The following SBF2 variants were observed in gnomAD, a reference collection of about 807,000 sequenced individuals.
The protein encoded by SBF2 is SET binding factor 2, also known as myotubularin-related protein 13.
SBF2 carries 112 observed loss-of-function variants against 225.2 expected under a neutral mutation model. That is an observed-to-expected ratio of 0.50 (90% CI 0.43 to 0.58). The LOEUF (loss-of-function observed/expected upper bound fraction) is 0.58. Among genes scored for constraint, SBF2 ranks in the 20% least tolerant of loss-of-function variants. The pLI, the probability that SBF2 is intolerant of heterozygous loss-of-function variation, is 0.00. For missense variants in SBF2, 1,996 were observed against 2,206.2 expected (o/e 0.90, Z 1.91); for synonymous variants, 763 against 773.3 (o/e 0.99, Z 0.22).
rs572897390 is a variant in SBF2, at chr11:9,974,750, C to T, written c.1396-6205G>A. Among the ~76,000 whole-genome samples the T allele has an allele frequency of 3.3e-5, 5 of 150,732 alleles. No homozygotes were observed. In the South Asian group the frequency reaches 6.3e-4, roughly 19 times the overall value. ...TTGCGAGGCCGAGGCGGGTGGCTCA[C>T]GGGAGTTCGAGACCAGCCTGATCAA... is the stretch of plus-strand genomic sequence containing the variant. On this transcript the variant is annotated intron_variant, in intron 13 of 39. Coordinates refer to ENST00000256190, the MANE Select transcript of SBF2 (RefSeq NM_030962.4).
At chr11:9,886,506 C>G (rs1048192119) in intron 17 of SBF2, among the ~76,000 whole-genome samples, 1 of 151,842 alleles carries the variant, frequency 6.6e-6, no homozygotes, top group Non-Finnish European at 1.5e-5. Flanking sequence ...TGGACAGATC[C>G]ACATAGAAGT....
intron 2 of SBF2, among the ~76,000 whole-genome samples, chr11:10,090,764 C>CAAAAAA (rs201577494): frequency 0.011 from 499 of 44,384 alleles, 38 homozygotes; most frequent in African/African-American, 0.034. Context: ...GATTCCATCT[C>CAAAAAA]AAAAAAAAAA....
chr11:10,155,403 A>G (rs1955422224), intron 2 of SBF2, among the ~76,000 whole-genome samples: 1 of 115,244 alleles, frequency 8.7e-6, no homozygotes, highest in Admixed American at 8.7e-5. Context: ...GAACAAACTC[A>G]TAAGTATGAG....
chr11:9,877,501 C>T (rs1290282847), intron 17 of SBF2, among the ~76,000 whole-genome samples: 1 of 152,146 alleles, frequency 6.6e-6, no homozygotes, highest in Non-Finnish European at 1.5e-5. Flanking sequence ...CACCCATCAA[C>T]TCGTCATTTA....
At chr11:9,865,286 A>C (rs1307569027) in intron 17 of SBF2, among the ~76,000 whole-genome samples, 6 of 152,150 alleles carry the variant, frequency 3.9e-5, no homozygotes, top group Non-Finnish European at 7.3e-5. Context: ...TATTATAACC[A>C]ACCTGTACTG....
At chr11:10,133,667 G>A (rs541330764) in intron 2 of SBF2, among the ~76,000 whole-genome samples, 2 of 150,746 alleles carry the variant, frequency 1.3e-5, no homozygotes, top group African/African-American at 2.4e-5. Context: ...ACACAGCCCC[G>A]GTTCCCGCTC....
chr11:9,861,946 G>C (rs17354462), intron 17 of SBF2, among the ~76,000 whole-genome samples: 3,020 of 152,332 alleles, frequency 0.02, 50 homozygotes, highest in Non-Finnish European at 0.032. Flanking sequence ...GTGCAAGACA[G>C]AGTGACAGTG....
intron 13 of SBF2, among the ~76,000 whole-genome samples, chr11:9,973,091 T>C (rs1220874991): frequency 6.6e-6 from 1 of 152,222 alleles, no homozygotes; most frequent in African/African-American, 2.4e-5. Context: ...ACGGGCAGCA[T>C]GATAAATGTA....
Position 9,785,240 on chromosome 11 carries a change from G to C in SBF2, c.5116C>G (p.Leu1706Val). 6.2e-7 allele frequency: 1 copy of C among 1,614,168 alleles called. No homozygotes were observed. ...TCCTCCCCCATGCTGCTGTCTGGGA[G>C]ATGTAGCAGAGACCTCTTCTGATAG... The part of the protein sequence containing the change: ...PSYQKRSLLH[L>V]PDSSMGEEQN... The change falls in exon 37 of 40, where the codon CTC becomes GTC. Residue 1706 changes from leucine (L) to valine (V), a missense_variant. By Grantham distance (32) the Leu-to-Val change is conservative. Coordinates refer to ENST00000256190, the MANE Select transcript of SBF2 (RefSeq NM_030962.4).
intron 1 of SBF2, among the ~76,000 whole-genome samples, chr11:10,268,668 A>T (rs2135530645): frequency 6.6e-6 from 1 of 152,360 alleles, no homozygotes; most frequent in Admixed American, 6.5e-5. Context: ...TCTGCTAAAA[A>T]AGTAGTAGTC....
chr11:10,062,262 T>G (rs1317981157), intron 2 of SBF2, among the ~76,000 whole-genome samples: 1 of 152,172 alleles, frequency 6.6e-6, no homozygotes, highest in East Asian at 1.9e-4. Flanking sequence ...GGTAATACCC[T>G]CATGGATCTA....
chr11:9,816,252 TTAACAG>T (rs1021265360), intron 29 of SBF2, among the ~76,000 whole-genome samples: 3 of 152,226 alleles, frequency 2.0e-5, no homozygotes, highest in Non-Finnish European at 2.9e-5. Context: ...GCGCAACAAT[TTAACAG>T]TAAGAATAAA....
intron 17 of SBF2, among the ~76,000 whole-genome samples, chr11:9,882,736 G>A (rs767190467): frequency 2.0e-5 from 3 of 149,950 alleles, no homozygotes; most frequent in Admixed American, 6.7e-5. Flanking sequence ...GTACCCAGGA[G>A]GGTGGAGGTT....
intron 16 of SBF2, among the ~76,000 whole-genome samples, chr11:9,907,749 T>C (rs1862223913): frequency 6.6e-6 from 1 of 152,244 alleles, no homozygotes; most frequent in Non-Finnish European, 1.5e-5. Flanking sequence ...ACACTGCACC[T>C]GGCATATGGT....
intron 12 of SBF2, among the ~76,000 whole-genome samples, chr11:9,991,403 T>C (rs1947430927): frequency 6.6e-6 from 1 of 152,166 alleles, no homozygotes; most frequent in Non-Finnish European, 1.5e-5. Flanking sequence ...AAGATCCTTC[T>C]CCTCTGAACC....
intron 1 of SBF2, 38 bp downstream of exon 1, chr11:10,293,977 C>A (rs897718234): frequency 1.5e-6 from 2 of 1,292,904 alleles, no homozygotes; most frequent in Non-Finnish European, 9.8e-7. Context: ...GGCCGGGGGG[C>A]GGGGAGGCCC....
At chr11:9,941,750 A>T (rs576939394) in intron 16 of SBF2, among the ~76,000 whole-genome samples, 11 of 152,318 alleles carry the variant, frequency 7.2e-5, no homozygotes, top group African/African-American at 2.4e-4. Context: ...TGTCACTTCT[A>T]TTTAATGTTA....
intron 2 of SBF2, among the ~76,000 whole-genome samples, chr11:10,141,616 AG>A (rs1315829523): frequency 6.6e-6 from 1 of 152,210 alleles, no homozygotes; most frequent in Non-Finnish European, 1.5e-5. Context: ...GTTTTTAATA[AG>A]GTGATGCTGC....
intron 17 of SBF2, among the ~76,000 whole-genome samples, chr11:9,894,495 C>T (rs752134904): frequency 1.6e-4 from 25 of 151,576 alleles, no homozygotes; most frequent in East Asian, 1.4e-3. Context: ...CTAGCCTGGG[C>T]GACAGAGCGA....
Sources: allele counts gnomAD v4.1 joint callset (sites outside exome capture counted in the v4.1 genomes callset), GRCh38; gene constraint gnomAD v4.1.1; transcripts MANE v1.5; gene names NCBI Gene and HGNC (gene_info 2026-07-23, HGNC 2026-07-21).